FHIP1A: variants seen among roughly 807,000 people sequenced by gnomAD.
FHIP1A encodes the protein FHF complex subunit HOOK-interacting protein 1A.
In FHIP1A, 61 loss-of-function variants were observed where a neutral mutation model predicts 88.6. The ratio of observed to expected loss-of-function variants is 0.69; its 90% CI spans 0.56 to 0.85. The LOEUF is 0.85. FHIP1A is among the 40% of genes least tolerant of loss of function. The pLI is 0.00. For synonymous variants in FHIP1A, 478 were observed against 496.0 expected (o/e 0.96, Z 0.48); for missense variants, 1,154 against 1,273.5 (o/e 0.91, Z 1.43).
chr4:151,479,753 A>G (rs1729830695), intron 2 of FHIP1A, among the ~76,000 whole-genome samples: 2 of 152,078 alleles, frequency 1.3e-5, no homozygotes, highest in Non-Finnish European at 2.9e-5. Context: ...CCACCCCAAC[A>G]AAGTGTTCAT....
At chr4:151,464,448 A>G (rs914124925) in intron 2 of FHIP1A, among the ~76,000 whole-genome samples, 1 of 152,170 alleles carries the variant, frequency 6.6e-6, no homozygotes, top group Admixed American at 6.5e-5. Flanking sequence ...ACCCAACCCA[A>G]CCTTCAAGGT....
chr4:151,452,965 C>CAA, intron 1 of FHIP1A, among the ~76,000 whole-genome samples: 1 of 148,804 alleles, frequency 6.7e-6, no homozygotes, highest in Non-Finnish European at 1.5e-5. Flanking sequence ...TACACACACA[C>CAA]ACACACACAC....
chr4:151,564,867 G>A (rs1025597408), intron 3 of FHIP1A, among the ~76,000 whole-genome samples: 7 of 151,982 alleles, frequency 4.6e-5, no homozygotes, highest in African/African-American at 1.7e-4. Context: ...TTTTCATGTC[G>A]AATGGTTGCC....
At chr4:151,519,482 A>G (rs553543264) in intron 3 of FHIP1A, among the ~76,000 whole-genome samples, 5 of 152,048 alleles carry the variant, frequency 3.3e-5, no homozygotes, top group East Asian at 3.9e-4. Context: ...TTATTGATAG[A>G]CATCTGGGGG....
chr4:151,460,294 T>C lies in FHIP1A; in HGVS notation c.-248+5486T>C, dbSNP rs180822849. On this transcript the variant is annotated intron_variant, in intron 2 of 13. Coordinates refer to ENST00000435205, the MANE Select transcript of FHIP1A (RefSeq NM_001109977.3). Reference sequence around the variant, plus strand: ...TTTTAGCAAATAAGTGATCATTTTATTTCCCATGGCTGGACAAAAAAATGA... The same window carrying C: ...TTTTAGCAAATAAGTGATCATTTTACTTCCCATGGCTGGACAAAAAAATGA... Among the ~76,000 whole-genome samples the C allele has an allele frequency of 5.3e-5, 8 of 152,300 alleles. No individual in the cohort carries two copies. The East Asian group carries it at 1.5e-3, about 29-fold the overall frequency.
intron 7 of FHIP1A, among the ~76,000 whole-genome samples, chr4:151,610,677 G>A (rs997839570): frequency 3.3e-5 from 5 of 152,018 alleles, no homozygotes; most frequent in Non-Finnish European, 5.9e-5. Context: ...CACTTGAGAT[G>A]CCAACTATAT....
intron 1 of FHIP1A, among the ~76,000 whole-genome samples, chr4:151,443,019 G>T (rs186950163): frequency 3.3e-5 from 5 of 152,228 alleles, no homozygotes; most frequent in Non-Finnish European, 5.9e-5. Context: ...GGCACTTTGG[G>T]AGGACAAGGT....
At chr4:151,617,508 C>T (rs1328431810) in intron 7 of FHIP1A, among the ~76,000 whole-genome samples, 3 of 152,118 alleles carry the variant, frequency 2.0e-5, no homozygotes, top group East Asian at 1.9e-4. Context: ...CTGATCAGTG[C>T]CCTCATCATC....
At chr4:151,553,649 G>A (rs1416286869) in intron 3 of FHIP1A, among the ~76,000 whole-genome samples, 1 of 152,168 alleles carries the variant, frequency 6.6e-6, no homozygotes, top group Non-Finnish European at 1.5e-5. Flanking sequence ...GCTGAAATGC[G>A]AAGTTTCTAG....
intron 3 of FHIP1A, among the ~76,000 whole-genome samples, chr4:151,499,550 C>T (rs901404158): frequency 6.6e-6 from 1 of 152,240 alleles, no homozygotes; most frequent in East Asian, 1.9e-4. Context: ...ACACTGGCTA[C>T]AAAGTCCTTG....
At chr4:151,651,062 C>T (rs1036816461) in intron 11 of FHIP1A, among the ~76,000 whole-genome samples, 18 of 152,194 alleles carry the variant, frequency 1.2e-4, no homozygotes, top group African/African-American at 1.2e-4. Context: ...GCTCAGAGTC[C>T]GTGTTGGGTG....
At chr4:151,627,417 A>G (rs919791724) in intron 7 of FHIP1A, among the ~76,000 whole-genome samples, 3 of 152,194 alleles carry the variant, frequency 2.0e-5, no homozygotes, top group Admixed American at 2.0e-4. Flanking sequence ...GTGTAACTTA[A>G]GGGGGGAAAA....
rs1279348490 is a variant in FHIP1A, at chr4:151,666,879, CTG to C, written c.*4127_*4128del. Among the ~76,000 whole-genome samples the C allele has an allele frequency of 6.6e-6, 1 of 152,188 alleles. No homozygotes were observed. Among genetic ancestry groups the C allele is most frequent in the African/African-American group, 2.4e-5 (1 of 41,422 alleles). ...CACTTGACATAATAGTTTTGGTAAACTGTCTTTATCTGGCTGCACCCCCTTTT... is the reference window on the plus strand; with the variant it reads ...CACTTGACATAATAGTTTTGGTAAACTCTTTATCTGGCTGCACCCCCTTTT... On this transcript the variant is annotated 3_prime_UTR_variant, in exon 14 of 14. Coordinates refer to ENST00000435205, the MANE Select transcript of FHIP1A (RefSeq NM_001109977.3).
chr4:151,504,362 C>G (rs777477166), intron 3 of FHIP1A, among the ~76,000 whole-genome samples: 1 of 152,142 alleles, frequency 6.6e-6, no homozygotes, highest in African/African-American at 2.4e-5. Flanking sequence ...GTATCTCCTT[C>G]AGCATGGAAC....
intron 3 of FHIP1A, among the ~76,000 whole-genome samples, chr4:151,565,347 G>A (rs981033973): frequency 2.0e-4 from 30 of 151,962 alleles, no homozygotes; most frequent in African/African-American, 6.3e-4. Context: ...TTGCTGTCTG[G>A]TAGTCAGGAT....
intron 8 of FHIP1A, among the ~76,000 whole-genome samples, chr4:151,631,176 A>G (rs1323580157): frequency 6.6e-6 from 1 of 152,162 alleles, no homozygotes; most frequent in Non-Finnish European, 1.5e-5. Flanking sequence ...AGAAAATTAA[A>G]AAAATGGAGA....
chr4:151,650,631 A>T, intron 11 of FHIP1A, 39 bp downstream of exon 11: 1 of 1,515,144 alleles, frequency 6.6e-7, no homozygotes, highest in South Asian at 1.3e-5. Flanking sequence ...CTGCTTTCGA[A>T]AGTACTTGTA....
At chr4:151,649,281 A>G (rs2126909239) in intron 10 of FHIP1A, among the ~76,000 whole-genome samples, 178 bp from the exon 11 acceptor site, 1 of 152,288 alleles carries the variant, frequency 6.6e-6, no homozygotes, top group South Asian at 2.1e-4. Context: ...TAGAGTTTCT[A>G]TTATTAATCT....
rs949152537 is a variant in FHIP1A at position 151,429,668 on chromosome 4, G to A, written c.-356+20203G>A. The stretch of plus-strand genomic sequence containing the variant: ...GTTGGAGACCAGCCTGGCCAATATG[G>A]CGAAACTGTGTCTCTACTAAAAATA... On this transcript the variant is annotated intron_variant, in intron 1 of 13. Transcript: ENST00000435205. 3.9e-5 allele frequency among the ~76,000 whole-genome samples: 6 copies of A among 152,074 alleles called. No individual in the cohort carries two copies. In the South Asian group the frequency reaches 1.2e-3, roughly 32 times the overall value.
Sources: gnomAD v4.1 joint callset for allele counts (sites outside exome capture counted in the v4.1 genomes callset) on GRCh38, gnomAD v4.1.1 for gene constraint, MANE v1.5 for transcripts, NCBI Gene and HGNC (gene_info 2026-07-23, HGNC 2026-07-21) for gene names.